RERE: variants seen among roughly 807,000 people sequenced by gnomAD.
RERE encodes arginine-glutamic acid dipeptide repeats protein.
A neutral mutation model predicts 146.1 loss-of-function variants in RERE; 40 were observed. The ratio of observed to expected loss-of-function variants is 0.27; its 90% CI spans 0.21 to 0.36. The LOEUF is 0.36. Ranked by LOEUF, RERE falls within the 10% of genes least tolerant of loss-of-function variation. The probability of loss-of-function intolerance (pLI) is 1.00; values close to 1 mark genes in which losing one functional copy is unlikely to be tolerated. For synonymous variants in RERE, 1,003 were observed against 866.0 expected, an observed-to-expected ratio of 1.16 and a Z score of -2.78; for missense variants, 1,933 against 2,138.7, an observed-to-expected ratio of 0.90 and a Z score of 1.90.
intron 1 of RERE, among the ~76,000 whole-genome samples, chr1:8,674,831 G>A (rs750433498): frequency 6.6e-5 from 10 of 152,128 alleles, no homozygotes; most frequent in Non-Finnish European, 1.5e-4. Context: ...GGTGCCCAAC[G>A]TAAGCATATA....
chr1:8,405,290 C>T lies in RERE; in HGVS notation c.1284+17437G>A, dbSNP rs112123930. 3.8e-3 allele frequency among the ~76,000 whole-genome samples: 578 copies of T among 152,146 alleles called. 4 individuals are homozygous for T. Among genetic ancestry groups the T allele is most frequent in the Non-Finnish European group, 5.0e-3 (338 of 67,974 alleles). On this transcript the variant is annotated intron_variant, in intron 12 of 22. Transcript: ENST00000400908. ...ATGAATCTTAAGGAAATAACTGCCC[C>T]CAGATAAGACAAAGTCACTCATTAA...
At chr1:8,568,252 C>T (rs866374499) in intron 4 of RERE, among the ~76,000 whole-genome samples, 3 of 152,228 alleles carry the variant, frequency 2.0e-5, no homozygotes, top group African/African-American at 7.2e-5. Flanking sequence ...AGGACTCACA[C>T]CAGCGGCCCC....
chr1:8,746,425 ACT>A (rs937826704), intron 1 of RERE, among the ~76,000 whole-genome samples: 3 of 152,118 alleles, frequency 2.0e-5, no homozygotes, highest in Non-Finnish European at 4.4e-5. Context: ...AGTAAGAACC[ACT>A]GAGAACCCTC....
At chr1:8,737,381 C>G (rs959890282) in intron 1 of RERE, among the ~76,000 whole-genome samples, 2 of 152,174 alleles carry the variant, frequency 1.3e-5, no homozygotes, top group African/African-American at 2.4e-5. Flanking sequence ...TTAATTGCCA[C>G]GTTTTCCCTC....
intron 1 of RERE, among the ~76,000 whole-genome samples, chr1:8,765,379 A>G (rs1484403350): frequency 2.0e-5 from 3 of 152,234 alleles, no homozygotes; most frequent in African/African-American, 4.8e-5. Flanking sequence ...GCTCATGGAT[A>G]CAGGATTTCT....
rs773206504 is a variant in RERE, at chr1:8,356,073, C to G, written c.4486+27G>C. 2 of 1,470,362 alleles carry G rather than the reference C, an allele frequency of 1.4e-6. No individual in the cohort carries two copies. Among genetic ancestry groups the G allele is most frequent in the African/African-American group, 1.5e-5 (1 of 67,764 alleles). 91.1% of individuals were successfully genotyped at this position (1,470,362 alleles called of 1,614,324 possible). A position where few individuals can be genotyped will look rare whatever the true frequency, so the allele number is the denominator to read the frequency against. On this transcript the variant is annotated intron_variant, in intron 21 of 22. Transcript: ENST00000400908. The surrounding 1 kb of genome is among the most constrained non-coding windows in gnomAD (Gnocchi z 5.2). Reference sequence around the variant, plus strand: ...CCAACCCAACCCTCACACGGCCTCCCCGCCCCTCCTGGAGGGGAAGTCTTA... The same window carrying G: ...CCAACCCAACCCTCACACGGCCTCCGCGCCCCTCCTGGAGGGGAAGTCTTA...
chr1:8,651,931 T>C (rs1289447840), intron 2 of RERE, among the ~76,000 whole-genome samples: 1 of 152,150 alleles, frequency 6.6e-6, no homozygotes, highest in African/African-American at 2.4e-5. Context: ...TCCTCCCACC[T>C]GAGACTCTCA....
intron 20 of RERE, among the ~76,000 whole-genome samples, chr1:8,357,413 G>A (rs542441072): frequency 6.6e-6 from 1 of 152,322 alleles, no homozygotes; most frequent in East Asian, 1.9e-4. Flanking sequence ...TCCAAGCAAG[G>A]TGGCTCCCCG....
intron 10 of RERE, among the ~76,000 whole-genome samples, chr1:8,469,131 T>A (rs1644646038): frequency 6.6e-6 from 1 of 152,062 alleles, no homozygotes; most frequent in South Asian, 2.1e-4. Flanking sequence ...AAATATATGT[T>A]AGCTACATCT....
At chr1:8,784,625 A>G (rs1641228708) in intron 1 of RERE, among the ~76,000 whole-genome samples, 1 of 152,198 alleles carries the variant, frequency 6.6e-6, no homozygotes, top group Non-Finnish European at 1.5e-5. Context: ...TATCAGATTA[A>G]TGAAGTGATC....
chr1:8,405,441 T>C (rs1005507393), intron 12 of RERE, among the ~76,000 whole-genome samples: 36 of 152,172 alleles, frequency 2.4e-4, no homozygotes, highest in African/African-American at 8.2e-4. Flanking sequence ...AATGACTCCA[T>C]AGATACATGC....
chr1:8,456,520 A>G (rs1427156353), intron 11 of RERE, among the ~76,000 whole-genome samples: 1 of 152,228 alleles, frequency 6.6e-6, no homozygotes, highest in African/African-American at 2.4e-5. Flanking sequence ...AGAGTCCTAC[A>G]TAACTGAAGC....
chr1:8,776,836 C>G (rs1363410861), intron 1 of RERE, among the ~76,000 whole-genome samples: 1 of 152,090 alleles, frequency 6.6e-6, no homozygotes, highest in Non-Finnish European at 1.5e-5. Flanking sequence ...CCTCCCACCT[C>G]AGCCTCCGGA....
chr1:8,564,864 GTGTGTGTATA>G (rs1206312010), intron 4 of RERE, among the ~76,000 whole-genome samples: 57 of 130,990 alleles, frequency 4.4e-4, no homozygotes, highest in African/African-American at 1.7e-3. Flanking sequence ...GTGTGTGTGT[GTGTGTGTATA>G]TATATATATA....
Position 8,465,951 on chromosome 1 carries a change from C to T in RERE, c.1177G>A (p.Glu393Lys), listed in dbSNP as rs1644590747. Residue 393 changes from glutamate (E) to lysine (K), a missense_variant, in exon 11 of 23, where the codon GAG (glutamate) becomes AAG (lysine). This residue lies in a region of RERE where 260 missense variants were observed against 378.4 expected (regional missense o/e 0.69). Transcript: ENST00000400908. ...LVKKPVPKLIEKCWTEDEVKR... is the reference protein window; with the variant it reads ...LVKKPVPKLIKKCWTEDEVKR... ...ACTTCGTCCTCGGTCCAGCACTTCTCGATGAGCTTGGGCACAGGCTTCTTC... is the reference window on the plus strand; with the variant it reads ...ACTTCGTCCTCGGTCCAGCACTTCTTGATGAGCTTGGGCACAGGCTTCTTC... The T allele has an allele frequency of 3.1e-6, 5 of 1,614,146 alleles. No homozygotes were observed. The highest frequency in any genetic ancestry group is 4.2e-6 in the Non-Finnish European group (5 of 1,180,002).
intron 12 of RERE, among the ~76,000 whole-genome samples, chr1:8,419,923 A>G (rs1228436865): frequency 6.6e-6 from 1 of 152,192 alleles, no homozygotes; most frequent in Non-Finnish European, 1.5e-5. Context: ...ACACCATTTT[A>G]CAGAAAATAA....
chr1:8,362,746 G>T lies in RERE; in HGVS notation c.1839C>A (p.Ser613=). 6.2e-7 allele frequency: 1 copy of T among 1,614,228 alleles called. No individual in the cohort carries two copies. The highest frequency in any genetic ancestry group is 8.5e-7 in the Non-Finnish European group (1 of 1,180,046). The change falls in exon 16 of 23, where the codon TCC becomes TCA. Residue 613 remains serine (S), a synonymous_variant. Coordinates refer to ENST00000400908, the MANE Select transcript of RERE (RefSeq NM_001042681.2). The part of the protein sequence containing the change: ...NEDIRSSGRN[S]PSAASTSSND... ...TGCTGGAGGTACTGGCAGCGCTGGG[G>T]GAGTTCCGGCCGCTGGAGCGGATGT...
At chr1:8,512,013 TC>T (rs1352101025) in intron 7 of RERE, 1 of 108,230 alleles carries the variant, frequency 9.2e-6, no homozygotes, top group African/African-American at 3.5e-5. Flanking sequence ...TAGGAAACAC[TC>T]TTTTTTTTTT....
intron 6 of RERE, among the ~76,000 whole-genome samples, chr1:8,542,487 G>C (rs899750787): frequency 6.6e-6 from 1 of 152,108 alleles, no homozygotes; most frequent in Non-Finnish European, 1.5e-5. Context: ...AAATTAAAAA[G>C]CAAGGTTCTT....
Sources: allele counts gnomAD v4.1 joint callset (sites outside exome capture counted in the v4.1 genomes callset), GRCh38; gene constraint gnomAD v4.1.1; regional missense constraint gnomAD v4.1.1; non-coding constraint Gnocchi (gnomAD v3.1); transcripts MANE v1.5; gene names NCBI Gene and HGNC (gene_info 2026-07-23, HGNC 2026-07-21).